Variants in GRIN2A observed in about 807,000 individuals in gnomAD.
GRIN2A encodes the protein glutamate receptor ionotropic, NMDA 2A.
A neutral mutation model predicts 113.4 loss-of-function variants in GRIN2A; 22 were observed. The ratio of observed to expected loss-of-function variants is 0.19; its 90% CI spans 0.14 to 0.28. The LOEUF (loss-of-function observed/expected upper bound fraction) is 0.28, where lower values mean the gene tolerates loss of function less well. Among genes scored for constraint, GRIN2A ranks in the 10% least tolerant of loss-of-function variants. The probability of loss-of-function intolerance (pLI) is 1.00; values close to 1 mark genes in which losing one functional copy is unlikely to be tolerated. For synonymous variants in GRIN2A, 827 were observed against 738.4 expected (o/e 1.12, Z -1.94); for missense variants, 1,502 against 1,887.0 (o/e 0.80, Z 3.78).
chr16:9,946,250 G>C (rs544921164), intron 2 of GRIN2A, among the ~76,000 whole-genome samples: 1 of 152,178 alleles, frequency 6.6e-6, no homozygotes, highest in Admixed American at 6.5e-5. Flanking sequence ...CTGACTCCAC[G>C]CTTCCAAACA....
chr16:9,788,256 A>AT (rs1235952973), intron 11 of GRIN2A, among the ~76,000 whole-genome samples: 38 of 142,748 alleles, frequency 2.7e-4, no homozygotes, highest in East Asian at 1.2e-3. Context: ...TTTTGACTCT[A>AT]TTTTTTTTCT....
rs759344136 is a variant in GRIN2A, at chr16:9,938,144, C to A, written c.822G>T (p.Ser274=). ...CATCGTAGGAGACAGAAATGAGTCC[C>A]GATGGAAACTCTTTTGGGATGAGCT... ...NTELIPKEFP[S]GLISVSYDDW... is the part of the protein sequence containing the mutation. The change falls in exon 3 of 13, where the codon TCG becomes TCT. Residue 274 remains serine (S), a synonymous_variant. Transcript: ENST00000330684. The A allele has an allele frequency of 1.9e-6, 3 of 1,614,050 alleles. No homozygotes were observed. Among genetic ancestry groups the A allele is most frequent in the Non-Finnish European group, 2.5e-6 (3 of 1,180,006 alleles).
rs981144672 is a variant in GRIN2A at position 9,760,808 on chromosome 16, C to T, written c.*2341G>A. The T allele has an allele frequency of 4.3e-5, 10 of 231,014 alleles. No individual in the cohort carries two copies. In the East Asian group the frequency reaches 6.1e-4, roughly 14 times the overall value. 14.3% of individuals were successfully genotyped at this position (231,014 alleles called of 1,614,324 possible). ...ACTTTTTAATTCATTCATGTCAAAA[C>T]ATCCCAGACTCATGAGGAAATGGAG... On this transcript the variant is annotated 3_prime_UTR_variant, in exon 13 of 13. Transcript: ENST00000330684.
chr16:9,963,958 G>T (rs2045497879), intron 2 of GRIN2A, among the ~76,000 whole-genome samples: 1 of 152,186 alleles, frequency 6.6e-6, no homozygotes, highest in Non-Finnish European at 1.5e-5. Context: ...ACAGTCTAGT[G>T]GACAGACAGA....
At chr16:9,829,678 C>T (rs750508396) in intron 8 of GRIN2A, 26 bp from the exon 9 acceptor site, 8 of 1,552,248 alleles carry the variant, frequency 5.2e-6, no homozygotes, top group Middle Eastern at 1.7e-4. Flanking sequence ...AGGACATTCT[C>T]AGCATTTTCT....
chr16:9,873,158 G>A (rs943854991), intron 4 of GRIN2A, among the ~76,000 whole-genome samples: 1 of 152,180 alleles, frequency 6.6e-6, no homozygotes, highest in African/African-American at 2.4e-5. Flanking sequence ...AATGTGTAAT[G>A]ATAGACAATG....
At chr16:9,952,795 A>C (rs1390064629) in intron 2 of GRIN2A, among the ~76,000 whole-genome samples, 1 of 152,170 alleles carries the variant, frequency 6.6e-6, no homozygotes, top group Non-Finnish European at 1.5e-5. Flanking sequence ...AGACATTCAA[A>C]TAATTATTGA....
chr16:9,872,424 T>C (rs1307726212), intron 4 of GRIN2A, among the ~76,000 whole-genome samples: 1 of 152,172 alleles, frequency 6.6e-6, no homozygotes, highest in Non-Finnish European at 1.5e-5. Context: ...ATTTTGTATT[T>C]TGGGCTTCTG....
chr16:10,048,356 T>G (rs1251257604), intron 2 of GRIN2A, among the ~76,000 whole-genome samples: 2 of 152,194 alleles, frequency 1.3e-5, no homozygotes, highest in Non-Finnish European at 2.9e-5. Context: ...AGAGTCAAGT[T>G]TCTAGGACTT....
At chr16:10,058,716 T>A (rs562635656) in intron 2 of GRIN2A, among the ~76,000 whole-genome samples, 1 of 152,376 alleles carries the variant, frequency 6.6e-6, no homozygotes, top group Admixed American at 6.5e-5. Flanking sequence ...GTGATTTATA[T>A]GTTTAGGTAT....
At chr16:10,023,892 A>G (rs1360440451) in intron 2 of GRIN2A, among the ~76,000 whole-genome samples, 1 of 152,244 alleles carries the variant, frequency 6.6e-6, no homozygotes, top group Non-Finnish European at 1.5e-5. Context: ...GTGATGACAC[A>G]TATTTATTAA....
intron 3 of GRIN2A, among the ~76,000 whole-genome samples, chr16:9,936,246 C>T (rs2044711884): frequency 2.0e-5 from 3 of 152,324 alleles, no homozygotes; most frequent in African/African-American, 7.2e-5. Flanking sequence ...ACATTAGAAA[C>T]TCTGAGATTG....
chr16:9,792,262 A>C (rs992673713), intron 11 of GRIN2A, among the ~76,000 whole-genome samples: 5 of 152,102 alleles, frequency 3.3e-5, no homozygotes, highest in Non-Finnish European at 7.4e-5. Flanking sequence ...TCACTCTGCC[A>C]CCCAGGCTGC....
In GRIN2A at chr16:9,821,605, C is replaced by G. The variant is rs138012922; in HGVS notation, c.2168+659G>C. Among the ~76,000 whole-genome samples, 13 of 152,318 alleles carry G rather than the reference C, an allele frequency of 8.5e-5. No individual in the cohort carries two copies. In the East Asian group the frequency reaches 2.1e-3, roughly 25 times the overall value. Reference sequence around the variant, plus strand: ...CAAAAGGCTTTCCATCAGATTTTCTCTCTTAGGTCCTATTATTATTCCCAT... The same window carrying G: ...CAAAAGGCTTTCCATCAGATTTTCTGTCTTAGGTCCTATTATTATTCCCAT... On this transcript the variant is annotated intron_variant, in intron 10 of 12. Transcript: ENST00000330684.
intron 2 of GRIN2A, among the ~76,000 whole-genome samples, chr16:10,097,099 T>C (rs573890163): frequency 6.6e-6 from 1 of 152,260 alleles, no homozygotes; most frequent in East Asian, 1.9e-4. Context: ...CCAAACACCC[T>C]ACAACACTCG....
At chr16:10,093,623 A>AAC (rs1268831911) in intron 2 of GRIN2A, among the ~76,000 whole-genome samples, 1 of 151,882 alleles carries the variant, frequency 6.6e-6, no homozygotes, top group African/African-American at 2.4e-5. Context: ...AAAGTGAAAA[A>AAC]AAAAAACAAA....
chr16:9,985,793 G>C (rs1039063084), intron 2 of GRIN2A, among the ~76,000 whole-genome samples: 1 of 152,088 alleles, frequency 6.6e-6, no homozygotes. Flanking sequence ...TAGCACAACA[G>C]GGTGACTACA....
rs551853898 is a variant in GRIN2A, at chr16:10,180,620, C to T, written c.-18-191G>A. On this transcript the variant is annotated intron_variant, in intron 1 of 12. Coordinates refer to ENST00000330684, the MANE Select transcript of GRIN2A (RefSeq NM_001134407.3). The surrounding 1 kb of genome is among the most constrained non-coding windows in gnomAD (Gnocchi z 7.0). Reference sequence around the variant, plus strand: ...CTCGATCCATCTCTAACTCTATCCACAACTCCAATTCGAGCTAATTCTCCA... The same window carrying T: ...CTCGATCCATCTCTAACTCTATCCATAACTCCAATTCGAGCTAATTCTCCA... 55 of 950,160 alleles carry T rather than the reference C, an allele frequency of 5.8e-5. No individual in the cohort carries two copies. The South Asian group carries it at 8.6e-4, about 15-fold the overall frequency. The allele number at this position is 950,160 out of a possible 1,614,324, so 58.9% of individuals were successfully genotyped here. A position where few individuals can be genotyped will look rare whatever the true frequency, so the allele number is the denominator to read the frequency against.
chr16:9,924,541 A>T (rs1053210891), intron 3 of GRIN2A, among the ~76,000 whole-genome samples: 4 of 152,174 alleles, frequency 2.6e-5, no homozygotes, highest in African/African-American at 9.6e-5. Context: ...CTATGTCTTC[A>T]TATTTCTCAT....
Sources: allele counts gnomAD v4.1 joint callset (sites outside exome capture counted in the v4.1 genomes callset), GRCh38; gene constraint gnomAD v4.1.1; non-coding constraint Gnocchi (gnomAD v3.1); transcripts MANE v1.5; gene names NCBI Gene and HGNC (gene_info 2026-07-23, HGNC 2026-07-21).